The following TMPRSS12 variants were observed in gnomAD, a reference collection of about 807,000 sequenced individuals.
TMPRSS12 encodes the protein transmembrane serine protease 12.
In TMPRSS12, 25 loss-of-function variants were observed where a neutral mutation model predicts 26.0. That is an observed-to-expected ratio of 0.96 (90% CI 0.70 to 1.34). The LOEUF is 1.34. TMPRSS12 is among the 40% of genes most tolerant of loss of function. The pLI is 0.00. For synonymous variants in TMPRSS12, 150 were observed against 161.7 expected (o/e 0.93, Z 0.55); for missense variants, 441 against 440.1 (o/e 1.00, Z -0.02).
intron 3 of TMPRSS12, among the ~76,000 whole-genome samples, chr12:50,867,861 A>G (rs1938005838): frequency 6.6e-6 from 1 of 152,080 alleles, no homozygotes; most frequent in Admixed American, 6.6e-5. Flanking sequence ...AGAATTTTGT[A>G]TCCCGTGAAA....
chr12:50,881,961 CAAAAAAAAAAAAAAAAAAAAAAAAAA>C (rs1157663355), intron 3 of TMPRSS12, among the ~76,000 whole-genome samples: 2 of 60,200 alleles, frequency 3.3e-5, no homozygotes, highest in African/African-American at 8.3e-5. Context: ...GAGACCACTT[CAAAAAAAAAAAAAAAAAAAAAAAAAA>C]AAAAAAAAAA....
intron 2 of TMPRSS12, among the ~76,000 whole-genome samples, chr12:50,857,502 T>C (rs1367161199): frequency 1.3e-5 from 2 of 152,180 alleles, no homozygotes; most frequent in Admixed American, 6.5e-5. Flanking sequence ...CACATAAACA[T>C]TGCCAATTTG....
intron 2 of TMPRSS12, among the ~76,000 whole-genome samples, chr12:50,844,628 G>A (rs1937751006): frequency 6.6e-6 from 1 of 152,090 alleles, no homozygotes. Context: ...GCCCGCCTCA[G>A]CCTCCCAAAG....
intron 3 of TMPRSS12, among the ~76,000 whole-genome samples, chr12:50,880,286 G>A (rs974354616): frequency 6.6e-6 from 1 of 152,156 alleles, no homozygotes; most frequent in East Asian, 1.9e-4. Flanking sequence ...TACTTGAGAG[G>A]CTAACACACA....
intron 2 of TMPRSS12, among the ~76,000 whole-genome samples, chr12:50,855,971 T>C (rs1937872881): frequency 6.6e-6 from 1 of 152,148 alleles, no homozygotes; most frequent in South Asian, 2.1e-4. Context: ...AACCGAATAT[T>C]ACATGTTGTT....
rs1487556607 is a variant in TMPRSS12, at chr12:50,885,227, T to C, written c.653-19T>C. The C allele has an allele frequency of 6.4e-7, 1 of 1,562,756 alleles. No individual in the cohort carries two copies. Among genetic ancestry groups the C allele is most frequent in the South Asian group, 1.2e-5 (1 of 82,668 alleles). On this transcript the variant is annotated intron_variant, in intron 3 of 4. Transcript: ENST00000398458. The stretch of plus-strand genomic sequence containing the variant: ...AAATGTCTGCTCCAAGATAACTTAC[T>C]GGTATTTTTTGTTAACAGGTAACGC...
chr12:50,852,180 C>T (rs1262592354), intron 2 of TMPRSS12, among the ~76,000 whole-genome samples: 6 of 152,134 alleles, frequency 3.9e-5, no homozygotes, highest in Admixed American at 3.9e-4. Flanking sequence ...ATGACAATAT[C>T]AAATCTGCAT....
chr12:50,855,958 G>C (rs1592218319), intron 2 of TMPRSS12, among the ~76,000 whole-genome samples: 1 of 152,150 alleles, frequency 6.6e-6, no homozygotes, highest in Non-Finnish European at 1.5e-5. Context: ...TACAGGAACA[G>C]AAAACCGAAT....
chr12:50,884,370 G>A (rs1938203120), intron 3 of TMPRSS12, among the ~76,000 whole-genome samples: 1 of 152,068 alleles, frequency 6.6e-6, no homozygotes, highest in African/African-American at 2.4e-5. Flanking sequence ...AAAATCCATT[G>A]GAATTAACAG....
chr12:50,852,052 C>A (rs1937831103), intron 2 of TMPRSS12, among the ~76,000 whole-genome samples: 1 of 152,106 alleles, frequency 6.6e-6, no homozygotes, highest in African/African-American at 2.4e-5. Flanking sequence ...TAAGTGAGTA[C>A]TAAAAATGGA....
intron 3 of TMPRSS12, among the ~76,000 whole-genome samples, chr12:50,871,745 C>CA (rs1395071294): frequency 3.3e-5 from 5 of 150,978 alleles, no homozygotes; most frequent in Admixed American, 6.6e-5. Flanking sequence ...AATCAGCAAG[C>CA]AAAAAAAATC....
chr12:50,873,847 C>G (rs796688580), intron 3 of TMPRSS12, among the ~76,000 whole-genome samples: 14 of 152,212 alleles, frequency 9.2e-5, no homozygotes, highest in African/African-American at 3.1e-4. Context: ...AAAATAATGT[C>G]TAAGTTGTGG....
chr12:50,866,451 C>A (rs1320891323), intron 3 of TMPRSS12, among the ~76,000 whole-genome samples: 1 of 152,114 alleles, frequency 6.6e-6, no homozygotes, highest in Admixed American at 6.6e-5. Flanking sequence ...ACCTCACCCC[C>A]ATCCCTCACA....
At chr12:50,870,374 A>C (rs1326720562) in intron 3 of TMPRSS12, among the ~76,000 whole-genome samples, 1 of 152,112 alleles carries the variant, frequency 6.6e-6, no homozygotes, top group Non-Finnish European at 1.5e-5. Context: ...CAATAGATGC[A>C]GAAGAGGCAT....
intron 3 of TMPRSS12, among the ~76,000 whole-genome samples, chr12:50,872,840 GTCTA>G (rs764336282): frequency 8.5e-4 from 24 of 28,280 alleles, no homozygotes; most frequent in Middle Eastern, 0.022. Flanking sequence ...TATATATGAC[GTCTA>G]TATATGTACA....
rs367544731 is a variant in TMPRSS12 at position 50,887,548 on chromosome 12, A to T, written c.*35A>T. On this transcript the variant is annotated 3_prime_UTR_variant, in exon 5 of 5. Coordinates refer to ENST00000398458, the MANE Select transcript of TMPRSS12 (RefSeq NM_182559.3). ...GAAGGCTTTCATATCTTTATTTTGC[A>T]TTGTGTCCCTTTCTATGTTCTATAT... 6.9e-6 allele frequency: 11 copies of T among 1,593,756 alleles called. No individual in the cohort carries two copies. The highest frequency in any genetic ancestry group is 9.4e-6 in the Non-Finnish European group (11 of 1,171,828).
chr12:50,879,878 G>A (rs1938147995), intron 3 of TMPRSS12, among the ~76,000 whole-genome samples: 1 of 151,816 alleles, frequency 6.6e-6, no homozygotes, highest in Non-Finnish European at 1.5e-5. Context: ...GCTGAAGTGG[G>A]AGGATCACTT....
chr12:50,871,096 T>C (rs1296964993), intron 3 of TMPRSS12, among the ~76,000 whole-genome samples: 1 of 151,966 alleles, frequency 6.6e-6, no homozygotes, highest in Non-Finnish European at 1.5e-5. Context: ...TAAAAAAGAA[T>C]TCTAAAATTC....
intron 4 of TMPRSS12, 50 bp from the exon 5 acceptor site, chr12:50,887,212 C>A: frequency 6.4e-7 from 1 of 1,564,256 alleles, no homozygotes; most frequent in Non-Finnish European, 8.7e-7. Flanking sequence ...GTTACTGTTG[C>A]TTGAAGAATA....
Sources: allele counts gnomAD v4.1 joint callset (sites outside exome capture counted in the v4.1 genomes callset), GRCh38; gene constraint gnomAD v4.1.1; transcripts MANE v1.5; gene names NCBI Gene and HGNC (gene_info 2026-07-23, HGNC 2026-07-21).